The following CDH18 variants were observed in gnomAD, a reference collection of about 807,000 sequenced individuals.
The protein encoded by CDH18 is cadherin-18.
CDH18 carries 31 observed loss-of-function variants against 67.9 expected under a neutral mutation model. The ratio of observed to expected loss-of-function variants is 0.46; its 90% CI spans 0.34 to 0.62. The LOEUF (loss-of-function observed/expected upper bound fraction) is 0.62. CDH18 is among the 20% of genes least tolerant of loss of function. The pLI is 0.01. For missense variants in CDH18, 890 were observed against 975.5 expected (o/e 0.91, Z 1.17); for synonymous variants, 362 against 347.2 (o/e 1.04, Z -0.48).
intron 8 of CDH18, among the ~76,000 whole-genome samples, chr5:19,564,267 G>T (rs1739974979): frequency 6.6e-6 from 1 of 152,208 alleles, no homozygotes; most frequent in Non-Finnish European, 1.5e-5. Flanking sequence ...GAGTGCTTCT[G>T]CCACTCCTCC....
intron 2 of CDH18, among the ~76,000 whole-genome samples, chr5:20,034,010 T>C (rs1223101848): frequency 1.3e-5 from 2 of 152,072 alleles, no homozygotes; most frequent in South Asian, 4.1e-4. Flanking sequence ...AGACATTACA[T>C]AAAATTGAAA....
chr5:19,878,898 G>A (rs1242493989), intron 2 of CDH18, among the ~76,000 whole-genome samples: 4 of 151,888 alleles, frequency 2.6e-5, no homozygotes, highest in Middle Eastern at 3.4e-3. Context: ...ACTAGTTTTC[G>A]AATGTTGCAA....
At chr5:20,391,401 T>C (rs1305906236) in intron 1 of CDH18, among the ~76,000 whole-genome samples, 2 of 152,028 alleles carry the variant, frequency 1.3e-5, no homozygotes, top group Non-Finnish European at 2.9e-5. Flanking sequence ...ATAGAATTTT[T>C]GTAAAGATAA....
At chr5:19,898,348 T>C (rs1021736206) in intron 2 of CDH18, among the ~76,000 whole-genome samples, 1 of 33,536 alleles carries the variant, frequency 3.0e-5, no homozygotes, top group Admixed American at 2.7e-4. Flanking sequence ...ATTGTTCTTA[T>C]AGTTAAAAAA....
chr5:20,474,192 C>T lies in CDH18; in HGVS notation c.-580+101270G>A, dbSNP rs529468710. Among the ~76,000 whole-genome samples the T allele has an allele frequency of 9.4e-4, 143 of 152,200 alleles. 2 individuals carry two copies. The South Asian group carries it at 0.017, about 18-fold the overall frequency. ...TCGGGAGGCTGAGGCAGGAGAGTGGCGTGAACCCAGGAGGCGGAGCTTGCA... is the reference window on the plus strand; with the variant it reads ...TCGGGAGGCTGAGGCAGGAGAGTGGTGTGAACCCAGGAGGCGGAGCTTGCA... On this transcript the variant is annotated intron_variant, in intron 1 of 14. Transcript: ENST00000507958.
chr5:19,893,992 C>T (rs914108996), intron 2 of CDH18, among the ~76,000 whole-genome samples: 18 of 152,164 alleles, frequency 1.2e-4, no homozygotes, highest in East Asian at 7.7e-4. Context: ...CTTGCATACC[C>T]GCTATCTTTT....
At chr5:19,482,396 G>A (rs1264849998) in intron 12 of CDH18, among the ~76,000 whole-genome samples, 2 of 152,026 alleles carry the variant, frequency 1.3e-5, no homozygotes, top group East Asian at 1.9e-4. Context: ...GATTACAGGC[G>A]TGAGCCACCG....
chr5:19,589,294 C>T (rs1401427513), intron 7 of CDH18, among the ~76,000 whole-genome samples: 5 of 152,090 alleles, frequency 3.3e-5, no homozygotes, highest in Admixed American at 6.6e-5. Context: ...AACAGCGTCC[C>T]TTGGGAATAT....
chr5:20,394,694 C>A (rs868545072), intron 1 of CDH18, among the ~76,000 whole-genome samples: 2 of 151,958 alleles, frequency 1.3e-5, no homozygotes, highest in Non-Finnish European at 2.9e-5. Flanking sequence ...TCAGCAAAGA[C>A]CTCACATCCA....
Position 19,593,707 on chromosome 5 carries a change from C to CCTTCTT in CDH18, c.812-2469_812-2464dup, listed in dbSNP as rs1554054958. 4.2e-3 allele frequency among the ~76,000 whole-genome samples: 141 copies of CCTTCTT among 33,330 alleles called. 5 individuals are homozygous for CCTTCTT. Among genetic ancestry groups the CCTTCTT allele is most frequent in the African/African-American group, 0.013 (110 of 8,572 alleles). The allele number at this position is 33,330 out of a possible 152,430, so 21.9% of individuals were successfully genotyped here. On this transcript the variant is annotated intron_variant, in intron 6 of 12. Transcript: ENST00000382275. ...TCCTTCTCTTCCTCTTCCTCCTCCT[C>CCTTCTT]CTTCTTCTTCTTCTTCTTCTTCTTC... is the stretch of plus-strand genomic sequence containing the variant.
chr5:20,506,199 T>C (rs1026893387), intron 1 of CDH18, among the ~76,000 whole-genome samples: 1 of 152,214 alleles, frequency 6.6e-6, no homozygotes, highest in Non-Finnish European at 1.5e-5. Context: ...TCATGATCCC[T>C]GCCGCCTCTT....
chr5:19,500,073 G>C (rs1397705857), intron 11 of CDH18, among the ~76,000 whole-genome samples: 3 of 150,486 alleles, frequency 2.0e-5, no homozygotes, highest in African/African-American at 7.3e-5. Flanking sequence ...TTTTCTTCTA[G>C]CTTTTTTTTT....
At chr5:19,538,517 T>C (rs986588308) in intron 9 of CDH18, among the ~76,000 whole-genome samples, 1 of 152,186 alleles carries the variant, frequency 6.6e-6, no homozygotes, top group African/African-American at 2.4e-5. Flanking sequence ...CATAATGTCA[T>C]CTTTACATTT....
intron 7 of CDH18, among the ~76,000 whole-genome samples, chr5:19,585,243 A>G (rs749808311): frequency 6.6e-6 from 1 of 152,166 alleles, no homozygotes; most frequent in Admixed American, 6.6e-5. Context: ...GTAGCCATGT[A>G]AGGTGGTGAG....
At chr5:20,575,523 A>G (rs2126682094) in exon 1 of CDH18, 1 of 152,188 alleles carries the variant, frequency 6.6e-6, no homozygotes, top group African/African-American at 2.4e-5. Context: ...AGGGGACTTG[A>G]TTTTTGTTTT....
chr5:20,063,903 T>C (rs1742734902), intron 2 of CDH18, among the ~76,000 whole-genome samples: 1 of 152,150 alleles, frequency 6.6e-6, no homozygotes. Context: ...ACCATTGTGC[T>C]CGGGGAAACA....
intron 9 of CDH18, among the ~76,000 whole-genome samples, chr5:19,529,777 T>A (rs1198012224): frequency 6.6e-6 from 1 of 152,086 alleles, no homozygotes; most frequent in African/African-American, 2.4e-5. Flanking sequence ...TATGTTGCTT[T>A]GAGAAATGTT....
intron 1 of CDH18, among the ~76,000 whole-genome samples, chr5:20,296,928 C>T (rs186012554): frequency 6.6e-6 from 1 of 151,784 alleles, no homozygotes; most frequent in East Asian, 1.9e-4. Context: ...TTACTCAATA[C>T]AGATTCTGTT....
intron 2 of CDH18, among the ~76,000 whole-genome samples, chr5:20,040,593 C>T (rs1263448417): frequency 6.6e-6 from 1 of 152,032 alleles, no homozygotes; most frequent in African/African-American, 2.4e-5. Flanking sequence ...AAAAAGCATC[C>T]TGGGAGCGAT....
Sources: allele counts gnomAD v4.1 joint callset (sites outside exome capture counted in the v4.1 genomes callset), GRCh38; gene constraint gnomAD v4.1.1; transcripts MANE v1.5; gene names NCBI Gene and HGNC (gene_info 2026-07-23, HGNC 2026-07-21).